Variants in DLGAP2 observed in about 807,000 individuals in gnomAD.
DLGAP2 encodes the protein disks large-associated protein 2.
A neutral mutation model predicts 100.3 loss-of-function variants in DLGAP2; 26 were observed. The observed-to-expected ratio is 0.26, with a 90% CI of 0.19 to 0.36. The LOEUF is 0.36. DLGAP2 is among the 10% of genes least tolerant of loss of function. DLGAP2 has a pLI of 1.00. For synonymous variants in DLGAP2, 886 were observed against 630.1 expected (o/e 1.41, Z -6.08); for missense variants, 1,858 against 1,453.2 (o/e 1.28, Z -4.53).
At chr8:954,962 G>T (rs749935976) in intron 2 of DLGAP2, among the ~76,000 whole-genome samples, 12 of 152,130 alleles carry the variant, frequency 7.9e-5, no homozygotes, top group Non-Finnish European at 1.8e-4. Flanking sequence ...TTCCCTAACT[G>T]CCTAGAAGAG....
intron 2 of DLGAP2, among the ~76,000 whole-genome samples, chr8:1,225,806 A>G (rs537660951): frequency 1.3e-5 from 2 of 152,332 alleles, no homozygotes; most frequent in South Asian, 4.1e-4. Context: ...GCAGTTTATA[A>G]TATATTGTAT....
At position 1,318,963 on chromosome 8, in the gene DLGAP2, G is replaced by T. The variant is rs531430440; in HGVS notation, c.106+60080G>T. 3.0e-4 allele frequency among the ~76,000 whole-genome samples: 46 copies of T among 152,276 alleles called. No homozygotes were observed. In the East Asian group the frequency reaches 8.7e-3, roughly 29 times the overall value. ...CATGGTTTTTCCTCACCTGTGAGATGGGAATCGACATAGTCTCTGTTTTAT... is the reference window on the plus strand; with the variant it reads ...CATGGTTTTTCCTCACCTGTGAGATTGGAATCGACATAGTCTCTGTTTTAT... On this transcript the variant is annotated intron_variant, in intron 3 of 14. Coordinates refer to ENST00000637795, the MANE Select transcript of DLGAP2 (RefSeq NM_001346810.2).
rs1398037109 is a variant in DLGAP2 at position 1,079,512 on chromosome 8, G to C, written c.73+171546G>C. Reference sequence around the variant, plus strand: ...AACAGATGGTATCTTAAGAGCTCATGTGGCCCTATAAGCTCCCTTATTCTA... The same window carrying C: ...AACAGATGGTATCTTAAGAGCTCATCTGGCCCTATAAGCTCCCTTATTCTA... On this transcript the variant is annotated intron_variant, in intron 2 of 14. Coordinates refer to ENST00000637795, the MANE Select transcript of DLGAP2 (RefSeq NM_001346810.2). Among the ~76,000 whole-genome samples the C allele has an allele frequency of 2.0e-5, 3 of 152,160 alleles. No homozygotes were observed. In the East Asian group the frequency reaches 5.8e-4, roughly 29 times the overall value.
intron 3 of DLGAP2, among the ~76,000 whole-genome samples, chr8:1,465,291 T>G (rs2130174811): frequency 6.6e-6 from 1 of 151,972 alleles, no homozygotes; most frequent in Non-Finnish European, 1.5e-5. Flanking sequence ...CCATGTTTGG[T>G]GGTTTATTAT....
At chr8:985,864 G>A (rs993805380) in intron 2 of DLGAP2, among the ~76,000 whole-genome samples, 1 of 152,082 alleles carries the variant, frequency 6.6e-6, no homozygotes, top group African/African-American at 2.4e-5. Flanking sequence ...TTGCTCAGTC[G>A]ATCACCTGAC....
At chr8:1,044,021 G>A (rs1053843639) in intron 2 of DLGAP2, among the ~76,000 whole-genome samples, 16 of 152,198 alleles carry the variant, frequency 1.1e-4, no homozygotes, top group African/African-American at 3.9e-4. Context: ...GAGCACAAAC[G>A]TGACACTTCT....
chr8:1,026,947 C>T (rs1003712062), intron 2 of DLGAP2, among the ~76,000 whole-genome samples: 4 of 152,160 alleles, frequency 2.6e-5, no homozygotes, highest in Admixed American at 6.5e-5. Flanking sequence ...TATGCCTGTT[C>T]TATAAATTTT....
At chr8:1,594,975 C>T (rs550210087) in intron 6 of DLGAP2, among the ~76,000 whole-genome samples, 4 of 152,140 alleles carry the variant, frequency 2.6e-5, no homozygotes, top group Admixed American at 1.3e-4. Context: ...ACTAACTGGC[C>T]TCCCGCTTCC....
At chr8:1,205,476 G>A (rs571345958) in intron 2 of DLGAP2, among the ~76,000 whole-genome samples, 3 of 152,332 alleles carry the variant, frequency 2.0e-5, no homozygotes, top group South Asian at 2.1e-4. Context: ...AAGCTTGGGA[G>A]AGAGTCCAGG....
At chr8:757,294 G>A (rs73524806) in intron 1 of DLGAP2, among the ~76,000 whole-genome samples, 605 of 152,174 alleles carry the variant, frequency 4.0e-3, no homozygotes, top group African/African-American at 6.7e-3. Flanking sequence ...GTAAAATACC[G>A]CAATCCAGCC....
intron 3 of DLGAP2, among the ~76,000 whole-genome samples, chr8:1,411,924 G>A (rs1443829881): frequency 2.6e-5 from 4 of 152,156 alleles, no homozygotes; most frequent in African/African-American, 9.6e-5. Flanking sequence ...GGGGGTGGAT[G>A]CTTCCACGCC....
intron 4 of DLGAP2, among the ~76,000 whole-genome samples, chr8:1,518,332 TG>T (rs1800468077): frequency 6.6e-6 from 1 of 152,182 alleles, no homozygotes; most frequent in Admixed American, 6.5e-5. Context: ...TGGGTTTTGT[TG>T]TTTGTTTTTG....
chr8:1,496,024 T>C (rs763555700), intron 3 of DLGAP2, among the ~76,000 whole-genome samples: 6 of 152,116 alleles, frequency 3.9e-5, no homozygotes, highest in Non-Finnish European at 8.8e-5. Context: ...CGGTTCTCCT[T>C]CGAGTGCCCA....
intron 11 of DLGAP2, among the ~76,000 whole-genome samples, chr8:1,677,524 C>T (rs867831629): frequency 6.6e-6 from 1 of 152,150 alleles, no homozygotes. Context: ...CACAGAGAGA[C>T]ACACACACAC....
At chr8:1,240,256 TTACATGGCGCCGTGTCTAGTTCTGTTA>T in intron 2 of DLGAP2, among the ~76,000 whole-genome samples, 1 of 114,098 alleles carries the variant, frequency 8.8e-6, no homozygotes, top group Non-Finnish European at 2.1e-5. Flanking sequence ...TCTAGTTCTC[TTACATGGCGCCGTGTCTAGTTCTGTTA>T]CATGGCGCCG....
intron 2 of DLGAP2, among the ~76,000 whole-genome samples, chr8:1,192,183 C>T (rs888730806): frequency 2.6e-5 from 4 of 152,282 alleles, no homozygotes; most frequent in African/African-American, 2.4e-5. Flanking sequence ...TGGGGCTGTC[C>T]AGATGCTTCT....
intron 3 of DLGAP2, among the ~76,000 whole-genome samples, chr8:1,333,549 G>T (rs549935869): frequency 6.6e-6 from 1 of 152,136 alleles, no homozygotes; most frequent in African/African-American, 2.4e-5. Flanking sequence ...TGTGTGCAGG[G>T]TTTGTTCATC....
intron 5 of DLGAP2, among the ~76,000 whole-genome samples, chr8:1,554,216 A>T (rs548177645): frequency 6.6e-6 from 1 of 152,200 alleles, no homozygotes; most frequent in South Asian, 2.1e-4. Context: ...TGAACGTGGG[A>T]GGTGGAGGTT....
rs183341387 is a variant in DLGAP2, at chr8:1,539,679, A to G, written c.173-8947A>G. Among the ~76,000 whole-genome samples the G allele has an allele frequency of 1.0e-3, 152 of 150,384 alleles. 1 individual carries two copies. Among genetic ancestry groups the G allele is most frequent in the African/African-American group, 3.4e-3 (140 of 41,040 alleles). ...AAGGGGCCACCTTCTCCCTCTCCAGACTCCACTTTCCTGTTTGGAGGATGC... is the reference window on the plus strand; with the variant it reads ...AAGGGGCCACCTTCTCCCTCTCCAGGCTCCACTTTCCTGTTTGGAGGATGC... On this transcript the variant is annotated intron_variant, in intron 4 of 14. Coordinates refer to ENST00000637795, the MANE Select transcript of DLGAP2 (RefSeq NM_001346810.2).
Sources: allele counts gnomAD v4.1 joint callset (sites outside exome capture counted in the v4.1 genomes callset), GRCh38; gene constraint gnomAD v4.1.1; transcripts MANE v1.5; gene names NCBI Gene and HGNC (gene_info 2026-07-23, HGNC 2026-07-21).